The following DGKI variants were observed in gnomAD, a reference collection of about 807,000 sequenced individuals.
DGKI encodes the protein DAG kinase iota.
DGKI carries 55 observed loss-of-function variants against 147.5 expected under a neutral mutation model. The ratio of observed to expected loss-of-function variants is 0.37; its 90% CI spans 0.30 to 0.47. The LOEUF (loss-of-function observed/expected upper bound fraction) is 0.47, where lower values mean the gene tolerates loss of function less well. Ranked by LOEUF, DGKI falls within the 20% of genes least tolerant of loss-of-function variation. The pLI, the probability that DGKI is intolerant of heterozygous loss-of-function variation, is 1.00. For synonymous variants in DGKI, 469 were observed against 477.1 expected (o/e 0.98, Z 0.22); for missense variants, 1,007 against 1,323.8 (o/e 0.76, Z 3.71).
intron 1 of DGKI, among the ~76,000 whole-genome samples, chr7:137,761,507 A>G (rs1163477966): frequency 6.6e-6 from 1 of 152,236 alleles, no homozygotes; most frequent in African/African-American, 2.4e-5. Flanking sequence ...CACAGAAATC[A>G]TTAATGACTA....
At chr7:137,425,176 T>A (rs10278281) in intron 28 of DGKI, among the ~76,000 whole-genome samples, 2 of 151,940 alleles carry the variant, frequency 1.3e-5, no homozygotes, top group Admixed American at 6.6e-5. Flanking sequence ...CACCTCACAC[T>A]GCCGGGTACT....
At chr7:137,784,573 G>A (rs1215455949) in intron 1 of DGKI, among the ~76,000 whole-genome samples, 19 of 152,192 alleles carry the variant, frequency 1.2e-4, no homozygotes, top group Middle Eastern at 3.4e-3. Context: ...CATCAAGATC[G>A]AAAATGAACA....
intron 19 of DGKI, among the ~76,000 whole-genome samples, chr7:137,558,569 C>T (rs1439624093): frequency 2.0e-5 from 3 of 150,604 alleles, no homozygotes; most frequent in East Asian, 2.0e-4. Flanking sequence ...TGAGCCACTG[C>T]GCCCAGCCCA....
At chr7:137,838,825 C>T (rs1798465080) in intron 1 of DGKI, among the ~76,000 whole-genome samples, 1 of 152,172 alleles carries the variant, frequency 6.6e-6, no homozygotes, top group Non-Finnish European at 1.5e-5. Flanking sequence ...ATGGAACATC[C>T]CAGAAGGCTG....
intron 21 of DGKI, among the ~76,000 whole-genome samples, chr7:137,510,709 C>G (rs558034961): frequency 6.6e-6 from 1 of 152,288 alleles, no homozygotes; most frequent in African/African-American, 2.4e-5. Context: ...AGGTCACCAA[C>G]AACTAGATGC....
At chr7:137,518,969 C>T (rs1278725706) in intron 21 of DGKI, among the ~76,000 whole-genome samples, 7 of 151,886 alleles carry the variant, frequency 4.6e-5, no homozygotes, top group Non-Finnish European at 1.5e-5. Flanking sequence ...TCTTTATGTT[C>T]TACCTCTTAA....
chr7:137,521,196 C>G (rs1343864629), intron 21 of DGKI, among the ~76,000 whole-genome samples: 1 of 152,036 alleles, frequency 6.6e-6, no homozygotes, highest in African/African-American at 2.4e-5. Flanking sequence ...AGATTTAATG[C>G]AGTGATCAGA....
intron 1 of DGKI, among the ~76,000 whole-genome samples, chr7:137,776,387 G>T (rs1796361672): frequency 6.6e-6 from 1 of 152,164 alleles, no homozygotes; most frequent in African/African-American, 2.4e-5. Context: ...AGATCACCTG[G>T]TAGGCAATTA....
chr7:137,630,315 T>C (rs1348844867), intron 6 of DGKI, among the ~76,000 whole-genome samples: 2 of 152,174 alleles, frequency 1.3e-5, no homozygotes, highest in Non-Finnish European at 2.9e-5. Flanking sequence ...AATTCCTCCA[T>C]TCTAATATTG....
intron 16 of DGKI, 83 bp downstream of exon 16, chr7:137,578,187 C>A: frequency 2.2e-6 from 2 of 911,322 alleles, no homozygotes; most frequent in Non-Finnish European, 3.6e-6. Flanking sequence ...GTGATTATTT[C>A]TCATGTAGTT....
At chr7:137,842,283 A>G (rs1410821510) in intron 1 of DGKI, among the ~76,000 whole-genome samples, 1 of 152,212 alleles carries the variant, frequency 6.6e-6, no homozygotes, top group East Asian at 1.9e-4. Context: ...CTCCTCAAAT[A>G]TCTTTCTTGT....
chr7:137,717,002 TA>T (rs1186535364), intron 1 of DGKI, among the ~76,000 whole-genome samples: 1 of 152,230 alleles, frequency 6.6e-6, no homozygotes, highest in Non-Finnish European at 1.5e-5. Context: ...TATCTTTTCT[TA>T]TGGAACTCAT....
chr7:137,825,629 CTCACACACACACAT>C (rs1425110049), intron 1 of DGKI, among the ~76,000 whole-genome samples: 1 of 151,842 alleles, frequency 6.6e-6, no homozygotes, highest in Admixed American at 6.6e-5. Context: ...CACACACACT[CTCACACACACACAT>C]TCACACGCAC....
chr7:137,601,335 A>C (rs1819985185), intron 10 of DGKI, among the ~76,000 whole-genome samples: 1 of 152,212 alleles, frequency 6.6e-6, no homozygotes, highest in Non-Finnish European at 1.5e-5. Flanking sequence ...AAAGAGCTTT[A>C]AAAATCAGTA....
intron 13 of DGKI, among the ~76,000 whole-genome samples, chr7:137,586,853 C>T (rs1046280223): frequency 1.3e-5 from 2 of 152,214 alleles, no homozygotes; most frequent in African/African-American, 4.8e-5. Flanking sequence ...CAAAAAGCCG[C>T]AGGCCTGTGT....
At chr7:137,622,701 C>T (rs972801958) in intron 7 of DGKI, among the ~76,000 whole-genome samples, 2 of 152,146 alleles carry the variant, frequency 1.3e-5, no homozygotes, top group South Asian at 2.1e-4. Context: ...ACTTGGCCTA[C>T]GAGCTGTAGT....
Position 137,686,844 on chromosome 7 carries a change from C to T in DGKI, c.510+3050G>A, listed in dbSNP as rs191647299. Among the ~76,000 whole-genome samples the T allele has an allele frequency of 2.9e-4, 44 of 152,290 alleles. 1 individual carries two copies. In the East Asian group the frequency reaches 7.7e-3, roughly 27 times the overall value. ...GAAATACTTGTGTCCCTTCAGATGA[C>T]TTTGGCACATAGGCTAGTGTCAGAA... is the stretch of plus-strand genomic sequence containing the variant. On this transcript the variant is annotated intron_variant, in intron 2 of 32. Coordinates refer to ENST00000614521, the MANE Select transcript of DGKI (RefSeq NM_001321708.2).
intron 28 of DGKI, among the ~76,000 whole-genome samples, chr7:137,435,546 G>A (rs769453050): frequency 7.2e-5 from 11 of 152,070 alleles, no homozygotes; most frequent in South Asian, 2.1e-4. Context: ...TCTAAAGCTC[G>A]AAAGCAACAT....
At chr7:137,738,258 C>T (rs1181078729) in intron 1 of DGKI, among the ~76,000 whole-genome samples, 1 of 152,088 alleles carries the variant, frequency 6.6e-6, no homozygotes. Context: ...AAGCAGATCT[C>T]GAGGGCTGGA....
Sources: gnomAD v4.1 joint callset for allele counts (sites outside exome capture counted in the v4.1 genomes callset) on GRCh38, gnomAD v4.1.1 for gene constraint, MANE v1.5 for transcripts, NCBI Gene and HGNC (gene_info 2026-07-23, HGNC 2026-07-21) for gene names.